DSCAM: variants seen among roughly 807,000 people sequenced by gnomAD.
DSCAM encodes cell adhesion molecule DSCAM.
In DSCAM, 47 loss-of-function variants were observed where a neutral mutation model predicts 217.7. The ratio of observed to expected loss-of-function variants is 0.22; its 90% CI spans 0.17 to 0.28. The LOEUF is 0.28. Among genes scored for constraint, DSCAM ranks in the 10% least tolerant of loss-of-function variants. DSCAM has a pLI of 1.00. For missense variants in DSCAM, 2,080 were observed against 2,618.3 expected, an observed-to-expected ratio of 0.79 and a Z score of 4.49; for synonymous variants, 1,056 against 1,015.3, an observed-to-expected ratio of 1.04 and a Z score of -0.76.
At chr21:40,604,121 T>A (rs2077084016) in intron 3 of DSCAM, among the ~76,000 whole-genome samples, 1 of 152,122 alleles carries the variant, frequency 6.6e-6, no homozygotes, top group Admixed American at 6.5e-5. Flanking sequence ...TTTCTATTTT[T>A]CCATTCATTT....
chr21:40,201,012 C>T (rs558412997), intron 11 of DSCAM, among the ~76,000 whole-genome samples: 2 of 152,286 alleles, frequency 1.3e-5, no homozygotes, highest in South Asian at 4.1e-4. Flanking sequence ...AAATTCTTAG[C>T]ACATACTAAA....
intron 3 of DSCAM, among the ~76,000 whole-genome samples, chr21:40,421,478 G>A (rs1482045235): frequency 6.6e-6 from 1 of 152,186 alleles, no homozygotes; most frequent in Non-Finnish European, 1.5e-5. Context: ...AATTACATTT[G>A]TGCTTGTGGG....
At chr21:40,846,012 T>A (rs2092142156) in intron 1 of DSCAM, among the ~76,000 whole-genome samples, 1 of 149,380 alleles carries the variant, frequency 6.7e-6, no homozygotes, top group Admixed American at 6.7e-5. Flanking sequence ...TTTTTTTTTT[T>A]AATTTGTCAA....
At chr21:40,317,311 T>C (rs1601545178) in intron 8 of DSCAM, among the ~76,000 whole-genome samples, 2 of 152,208 alleles carry the variant, frequency 1.3e-5, no homozygotes, top group African/African-American at 4.8e-5. Context: ...TTCTCCACAA[T>C]GTACATACAA....
chr21:40,503,417 C>G (rs2076185587), intron 3 of DSCAM, among the ~76,000 whole-genome samples: 2 of 152,344 alleles, frequency 1.3e-5, no homozygotes, highest in South Asian at 4.1e-4. Flanking sequence ...GAAAAACAAA[C>G]TCTAGCTACC....
At chr21:40,527,283 A>G (rs2076408066) in intron 3 of DSCAM, among the ~76,000 whole-genome samples, 1 of 152,154 alleles carries the variant, frequency 6.6e-6, no homozygotes, top group Non-Finnish European at 1.5e-5. Context: ...TGATCTTCAC[A>G]ACTCCTCCTA....
chr21:40,689,940 C>T (rs2090521151), intron 3 of DSCAM, among the ~76,000 whole-genome samples: 1 of 152,158 alleles, frequency 6.6e-6, no homozygotes, highest in Non-Finnish European at 1.5e-5. Context: ...GCCAAGAATC[C>T]CAGTGCTTCC....
chr21:40,074,655 A>C (rs953006224), intron 27 of DSCAM, among the ~76,000 whole-genome samples: 1 of 152,212 alleles, frequency 6.6e-6, no homozygotes, highest in African/African-American at 2.4e-5. Context: ...TTCCACTTCC[A>C]GTCAGTCAAG....
At chr21:40,794,965 G>A (rs575980052) in intron 1 of DSCAM, among the ~76,000 whole-genome samples, 6 of 142,542 alleles carry the variant, frequency 4.2e-5, no homozygotes, top group Non-Finnish European at 7.6e-5. Context: ...TAATGACTAC[G>A]TATCCCTTGG....
chr21:40,132,385 T>A (rs1432990788), intron 19 of DSCAM, among the ~76,000 whole-genome samples: 3 of 152,190 alleles, frequency 2.0e-5, no homozygotes, highest in Non-Finnish European at 4.4e-5. Flanking sequence ...GTTACATTTT[T>A]AAAAAATTAA....
intron 4 of DSCAM, among the ~76,000 whole-genome samples, chr21:40,363,029 T>A (rs1447318140): frequency 6.6e-6 from 1 of 152,088 alleles, no homozygotes; most frequent in Admixed American, 6.6e-5. Flanking sequence ...CCCATTCATG[T>A]TTCAGACTCA....
chr21:40,686,222 C>CACACACCCTCCACAT (rs2090474624), intron 3 of DSCAM, among the ~76,000 whole-genome samples: 1 of 150,534 alleles, frequency 6.6e-6, no homozygotes, highest in African/African-American at 2.4e-5. Flanking sequence ...CACACACACA[C>CACACACCCTCCACAT]ACACACAGAG....
intron 21 of DSCAM, among the ~76,000 whole-genome samples, chr21:40,090,312 C>A (rs1212121698): frequency 6.6e-6 from 1 of 152,160 alleles, no homozygotes; most frequent in Non-Finnish European, 1.5e-5. Context: ...CCTCCCTCCC[C>A]CTCCCAGCTT....
intron 1 of DSCAM, among the ~76,000 whole-genome samples, chr21:40,752,251 C>T (rs2091236664): frequency 6.6e-6 from 1 of 152,190 alleles, no homozygotes; most frequent in Non-Finnish European, 1.5e-5. Flanking sequence ...TTCCTTTCTG[C>T]TGTAACCTCT....
At chr21:40,796,375 T>G (rs2091692155) in intron 1 of DSCAM, among the ~76,000 whole-genome samples, 1 of 152,216 alleles carries the variant, frequency 6.6e-6, no homozygotes, top group Admixed American at 6.5e-5. Context: ...TTTGCACACT[T>G]GTGGCCAACA....
At chr21:40,525,009 C>CAAAAGAAAAAAAAAAA (rs2076389221) in intron 3 of DSCAM, among the ~76,000 whole-genome samples, 1 of 56,122 alleles carries the variant, frequency 1.8e-5, no homozygotes, top group Non-Finnish European at 3.8e-5. Flanking sequence ...GACTCAGTCT[C>CAAAAGAAAAAAAAAAA]AAAAAAAAAA....
At chr21:40,428,832 A>C (rs1249626367) in intron 3 of DSCAM, among the ~76,000 whole-genome samples, 1 of 145,410 alleles carries the variant, frequency 6.9e-6, no homozygotes, top group South Asian at 2.1e-4. Flanking sequence ...CAGCGACCTA[A>C]TACACACACA....
At chr21:40,580,991 T>C (rs974095706) in intron 3 of DSCAM, among the ~76,000 whole-genome samples, 1 of 152,192 alleles carries the variant, frequency 6.6e-6, no homozygotes, top group African/African-American at 2.4e-5. Flanking sequence ...CGAAGAAAGA[T>C]GATAAAATAC....
chr21:40,347,701 G>T lies in DSCAM; in HGVS notation c.1179C>A (p.Ser393=). 1.2e-6 allele frequency: 2 copies of T among 1,614,068 alleles called. No homozygotes were observed. The highest frequency in any genetic ancestry group is 4.5e-5 in the East Asian group (2 of 44,880). Residue 393 remains serine (S), a synonymous_variant, in exon 6 of 33, where the codon TCC becomes TCA. Coordinates refer to ENST00000400454, the MANE Select transcript of DSCAM (RefSeq NM_001389.5). ...YQCFVRKDKL[S]AQDYVQVVLE... ...GGACCACCTGCACATAGTCTTGAGC[G>T]GACAGCTTGTCCTTGCGCACAAAGC...
Sources: allele counts gnomAD v4.1 joint callset (sites outside exome capture counted in the v4.1 genomes callset), GRCh38; gene constraint gnomAD v4.1.1; transcripts MANE v1.5; gene names NCBI Gene and HGNC (gene_info 2026-07-23, HGNC 2026-07-21).